P2RY12: variants seen among roughly 807,000 people sequenced by gnomAD.
P2RY12 encodes purinergic receptor P2Y12, also known as P2Y purinoceptor 12.
Under a neutral mutation model 4.5 loss-of-function variants are expected in P2RY12, and 3 were observed. The observed-to-expected ratio is 0.67, with a 90% CI of 0.31 to 1.74. P2RY12 has a LOEUF of 1.74. Ranked by LOEUF, P2RY12 falls within the 40% of genes most tolerant of loss-of-function variation. The probability of loss-of-function intolerance (pLI) is 0.09; values close to 1 mark genes in which losing one functional copy is unlikely to be tolerated. For missense variants in P2RY12, 356 were observed against 407.8 expected (o/e 0.87, Z 1.09); for synonymous variants, 148 against 154.1 (o/e 0.96, Z 0.29).
chr3:151,357,065 G>T (rs1754022302), intron 1 of P2RY12: 1 of 651,984 alleles, frequency 1.5e-6, no homozygotes, highest in East Asian at 2.8e-5. Context: ...TCTATAAATT[G>T]GAAAAGGATT....
rs148538586 is a variant in P2RY12, at chr3:151,375,970, C to CATATAT, written c.-180+8716_-180+8721dup. ...TGCACTGTGGATTTAGTACATATTG[C>CATATAT]ATATATATATACCGAAAGCCAGTGC... is the stretch of plus-strand genomic sequence containing the variant. On this transcript the variant is annotated intron_variant, in intron 1 of 2. Coordinates refer to ENST00000302632, the MANE Select transcript of P2RY12 (RefSeq NM_022788.5). 8.1e-4 allele frequency: 658 copies of CATATAT among 813,038 alleles called. 7 individuals carry two copies. The African/African-American group carries it at 0.011, about 13-fold the overall frequency. The allele number at this position is 813,038 out of a possible 1,614,324, so 50.4% of individuals were successfully genotyped here.
In P2RY12 at chr3:151,375,984, G is replaced by A. The variant is rs201190703; in HGVS notation, c.-180+8708C>T. On this transcript the variant is annotated intron_variant, in intron 1 of 2. Coordinates refer to ENST00000302632, the MANE Select transcript of P2RY12 (RefSeq NM_022788.5). ...AGTACATATTGCATATATATATACC[G>A]AAAGCCAGTGCCTGTCAATCTAATT... 176 of 964,764 alleles carry A rather than the reference G, an allele frequency of 1.8e-4. No individual in the cohort carries two copies. The East Asian group carries it at 3.0e-3, about 17-fold the overall frequency. The allele number at this position is 964,764 out of a possible 1,614,324, so 59.8% of individuals were successfully genotyped here. A position where few individuals can be genotyped will look rare whatever the true frequency, so the allele number is the denominator to read the frequency against.
chr3:151,380,466 G>A (rs567853931), intron 1 of P2RY12, among the ~76,000 whole-genome samples: 1 of 152,110 alleles, frequency 6.6e-6, no homozygotes, highest in Non-Finnish European at 1.5e-5. Flanking sequence ...GCATGATGGT[G>A]TGCGCCTATG....
chr3:151,374,436 T>G (rs919900986), intron 1 of P2RY12, among the ~76,000 whole-genome samples: 2 of 152,068 alleles, frequency 1.3e-5, no homozygotes, highest in Non-Finnish European at 2.9e-5. Context: ...TCATCCCAGC[T>G]ACTTGGGAGG....
intron 1 of P2RY12, among the ~76,000 whole-genome samples, chr3:151,351,978 G>C (rs2150028802): frequency 6.6e-6 from 1 of 152,232 alleles, no homozygotes; most frequent in South Asian, 2.1e-4. Context: ...AAACAGGTGA[G>C]GTATTCCTTA....
At chr3:151,355,058 C>T (rs1443034699) in intron 1 of P2RY12, 1 of 1,165,112 alleles carries the variant, frequency 8.6e-7, no homozygotes, top group Non-Finnish European at 1.3e-6. Context: ...AAAAAGTATC[C>T]ATTAAAAATG....
chr3:151,382,749 A>T, intron 1 of P2RY12: 1 of 1,605,486 alleles, frequency 6.2e-7, no homozygotes, highest in East Asian at 2.3e-5. Flanking sequence ...AAATTTGGTA[A>T]GTGACATTTC....
intron 1 of P2RY12, among the ~76,000 whole-genome samples, chr3:151,369,806 AT>A (rs1755961976): frequency 6.6e-6 from 1 of 152,096 alleles, no homozygotes. Context: ...TCTCATTCTG[AT>A]GTAAAATAGG....
chr3:151,349,963 C>G, intron 1 of P2RY12: 1 of 1,145,020 alleles, frequency 8.7e-7, no homozygotes, highest in Non-Finnish European at 1.2e-6. Context: ...CACCGCAAGC[C>G]AGCATGGAGG....
At chr3:151,354,673 G>C (rs1577416318) in intron 1 of P2RY12, among the ~76,000 whole-genome samples, 1 of 152,248 alleles carries the variant, frequency 6.6e-6, no homozygotes, top group African/African-American at 2.4e-5. Context: ...TCACTAGAAT[G>C]GTTAAGTAAA....
chr3:151,366,097 TATAAA>T (rs1755236989), intron 1 of P2RY12: 5 of 990,292 alleles, frequency 5.0e-6, no homozygotes, highest in Non-Finnish European at 7.0e-6. Flanking sequence ...ACTGAAATGT[TATAAA>T]ATATTTTTTC....
chr3:151,356,231 C>G (rs866493078), intron 1 of P2RY12, among the ~76,000 whole-genome samples: 17 of 152,022 alleles, frequency 1.1e-4, no homozygotes, highest in South Asian at 1.0e-3. Context: ...GAGACCCCAT[C>G]TCCACAAAAA....
intron 1 of P2RY12, among the ~76,000 whole-genome samples, chr3:151,378,816 G>A (rs1711680623): frequency 6.6e-6 from 1 of 152,140 alleles, no homozygotes; most frequent in African/African-American, 2.4e-5. Context: ...TAAGCACATA[G>A]ATTTCTTGTC....
chr3:151,361,649 G>A (rs796431894), intron 1 of P2RY12, among the ~76,000 whole-genome samples: 5 of 152,006 alleles, frequency 3.3e-5, no homozygotes, highest in South Asian at 2.1e-4. Context: ...TCCAGAATTT[G>A]TATTGAATTA....
At chr3:151,370,852 C>T (rs1756090928) in intron 1 of P2RY12, among the ~76,000 whole-genome samples, 1 of 152,184 alleles carries the variant, frequency 6.6e-6, no homozygotes, top group African/African-American at 2.4e-5. Context: ...TGAGTACCTT[C>T]TAGACACTGG....
chr3:151,338,736 A>G lies in P2RY12; in HGVS notation c.110T>C (p.Phe37Ser), dbSNP rs763701099. 21 of 1,613,696 alleles carry G rather than the reference A, an allele frequency of 1.3e-5. No homozygotes were observed. Among genetic ancestry groups the G allele is most frequent in the Non-Finnish European group, 1.7e-5 (20 of 1,179,816 alleles). Residue 37 changes from phenylalanine to serine, a missense_variant, in exon 3 of 3, where the codon TTT becomes TCT. Physicochemically the swap from Phe to Ser is radical, Grantham distance 155. Transcript: ENST00000302632. The part of the protein sequence containing the change: ...LFPLLYTVLF[F>S]VGLITNGLAM... ...CAGGCCATTTGTGATAAGTCCAACAAAAAACAGGACAGTGTAGAGCAGTGG... is the reference window on the plus strand; with the variant it reads ...CAGGCCATTTGTGATAAGTCCAACAGAAAACAGGACAGTGTAGAGCAGTGG...
chr3:151,364,156 A>T (rs1370793342), intron 1 of P2RY12, among the ~76,000 whole-genome samples: 1 of 152,198 alleles, frequency 6.6e-6, no homozygotes, highest in Admixed American at 6.5e-5. Flanking sequence ...GGTAAGCACA[A>T]ATGGCTAAGT....
intron 1 of P2RY12, among the ~76,000 whole-genome samples, chr3:151,353,375 A>G (rs1348803638): frequency 2.0e-5 from 3 of 152,246 alleles, no homozygotes; most frequent in Non-Finnish European, 4.4e-5. Flanking sequence ...GCAAAATTTC[A>G]TACATAATTT....
At chr3:151,366,523 T>A (rs1755294620) in intron 1 of P2RY12, among the ~76,000 whole-genome samples, 1 of 152,222 alleles carries the variant, frequency 6.6e-6, no homozygotes, top group African/African-American at 2.4e-5. Context: ...CTTGTATATA[T>A]CACTGACTTC....
Sources: gnomAD v4.1 joint callset for allele counts (sites outside exome capture counted in the v4.1 genomes callset) on GRCh38, gnomAD v4.1.1 for gene constraint, MANE v1.5 for transcripts, NCBI Gene and HGNC (gene_info 2026-07-23, HGNC 2026-07-21) for gene names.